FAAH2: variants seen among roughly 807,000 people sequenced by gnomAD.
The protein encoded by FAAH2 is fatty acid amide hydrolase 2.
Under a neutral mutation model 36.9 loss-of-function variants are expected in FAAH2, and 60 were observed. That is an observed-to-expected ratio of 1.63 (90% CI 1.32 to 2.02). The LOEUF is 2.02. FAAH2 is among the 30% of genes most tolerant of loss of function. The pLI is 0.00. For missense variants in FAAH2, 689 were observed against 397.5 expected (o/e 1.73, Z -6.23); for synonymous variants, 214 against 143.8 (o/e 1.49, Z -3.49).
intron 10 of FAAH2, among the ~76,000 whole-genome samples, chrX:57,451,341 A>G (rs1471176740): frequency 9.0e-6 from 1 of 111,639 alleles, no homozygotes; most frequent in African/African-American, 3.3e-5. Flanking sequence ...ACCTTCTCCT[A>G]CTTTGCTCCA....
At chrX:57,377,699 A>T (rs1280655208) in intron 5 of FAAH2, among the ~76,000 whole-genome samples, 1 of 112,235 alleles carries the variant, frequency 8.9e-6, no homozygotes, top group African/African-American at 3.2e-5. Flanking sequence ...TGGTAGCTTG[A>T]TACGGATAGT....
chrX:57,289,230 G>A (rs1017433537), intron 1 of FAAH2, among the ~76,000 whole-genome samples: 1 of 111,520 alleles, frequency 9.0e-6, no homozygotes, highest in African/African-American at 3.3e-5. Context: ...ATTTTTGTTG[G>A]CACTTTATGG....
chrX:57,259,952 A>C, the FAAH2 span, among the ~76,000 whole-genome samples: 102 of 112,032 alleles, frequency 9.1e-4, no homozygotes, highest in African/African-American at 3.2e-3. Flanking sequence ...AGTGACTGAA[A>C]TATCACACTT....
intron 10 of FAAH2, among the ~76,000 whole-genome samples, chrX:57,453,243 T>G (rs1216853451): frequency 8.9e-6 from 1 of 111,922 alleles, no homozygotes; most frequent in Non-Finnish European, 1.9e-5. Context: ...ACCCCAGAGG[T>G]AGAGAAAAAT....
At chrX:57,429,963 T>C (rs1167031237) in intron 7 of FAAH2, among the ~76,000 whole-genome samples, 4 of 111,178 alleles carry the variant, frequency 3.6e-5, no homozygotes, top group African/African-American at 1.3e-4. Flanking sequence ...TTTTCACTTA[T>C]AAGTGAGAGC....
chrX:57,456,776 A>T (rs1408810944), intron 10 of FAAH2, among the ~76,000 whole-genome samples: 1 of 111,550 alleles, frequency 9.0e-6, no homozygotes, highest in Non-Finnish European at 1.9e-5. Flanking sequence ...ATAAATAACA[A>T]GTTCAGAAAT....
In FAAH2 at chrX:57,431,551, T is replaced by C. The variant is rs2056294646; in HGVS notation, c.997-367T>C. On this transcript the variant is annotated intron_variant, in intron 7 of 10. Transcript: ENST00000374900. ...CTAGAACTTTACAAGCAAGTTCCAT[T>C]CATATTCTTTCATTCCAATGGAGGA... Among the ~76,000 whole-genome samples, 3 of 111,009 alleles carry C rather than the reference T, an allele frequency of 2.7e-5. No homozygotes were observed. The Admixed American group carries it at 2.9e-4, about 11-fold the overall frequency.
chrX:57,253,989 G>A, the FAAH2 span, among the ~76,000 whole-genome samples: 102 of 110,905 alleles, frequency 9.2e-4, no homozygotes, highest in Non-Finnish European at 1.5e-3. Flanking sequence ...ATCCAATCTG[G>A]CAAATTAGAT....
chrX:57,165,598 A>C, the FAAH2 span, among the ~76,000 whole-genome samples: 1 of 111,207 alleles, frequency 9.0e-6, no homozygotes, highest in Non-Finnish European at 1.9e-5. Flanking sequence ...CTAGATGATG[A>C]GTTAGTGGGT....
Position 57,448,670 on chromosome X carries a change from C to G in FAAH2, c.1375C>G (p.Pro459Ala). 8.3e-7 allele frequency: 1 copy of G among 1,211,299 alleles called. No homozygotes were observed. The change falls in exon 10 of 11, where the codon CCT (proline) becomes GCT (alanine). Residue 459 changes from proline to alanine, a missense_variant. By Grantham distance (27) the Pro-to-Ala change is conservative (BLOSUM62 -1). Transcript: ENST00000374900. ...FLYPSHPTVA[P>A]KHHVPLTRPF... ...ATATCCCTCACATCCCACAGTGGCA[C>G]CTAAGCATCATGTCCCTCTAACACG...
At chrX:57,194,965 G>A in the FAAH2 span, among the ~76,000 whole-genome samples, 30 of 111,447 alleles carry the variant, frequency 2.7e-4, no homozygotes, top group Non-Finnish European at 4.5e-4. Flanking sequence ...GTATGTGTGT[G>A]TGTGTGTGTA....
chrX:57,311,453 G>A (rs891299733), intron 3 of FAAH2, among the ~76,000 whole-genome samples: 1 of 112,069 alleles, frequency 8.9e-6, no homozygotes, highest in African/African-American at 3.2e-5. Context: ...TCGCCCGTGG[G>A]TGTATGAGCT....
In FAAH2 at chrX:57,429,256, G is replaced by A. The variant is rs192033675; in HGVS notation, c.997-2662G>A. On this transcript the variant is annotated intron_variant, in intron 7 of 10. Coordinates refer to ENST00000374900, the MANE Select transcript of FAAH2 (RefSeq NM_174912.4). Reference sequence around the variant, plus strand: ...TGGGAGGCTGAGGCAGGAGAATGGCGTGAACCTGGGAGGTGGAGCTTGCAG... The same window carrying A: ...TGGGAGGCTGAGGCAGGAGAATGGCATGAACCTGGGAGGTGGAGCTTGCAG... Among the ~76,000 whole-genome samples, 905 of 107,133 alleles carry A rather than the reference G, an allele frequency of 8.4e-3. 9 individuals carry two copies. Among genetic ancestry groups the A allele is most frequent in the African/African-American group, 0.029 (862 of 29,425 alleles). The allele number at this position is 107,133 out of a possible 115,157, so 93.0% of individuals were successfully genotyped here.
chrX:57,270,443 A>T, the FAAH2 span, among the ~76,000 whole-genome samples: 1 of 112,385 alleles, frequency 8.9e-6, no homozygotes, highest in Non-Finnish European at 1.9e-5. Context: ...AATATCCTTG[A>T]TGAACACTGA....
At chrX:57,142,187 C>T in the FAAH2 span, among the ~76,000 whole-genome samples, 2 of 111,725 alleles carry the variant, frequency 1.8e-5, no homozygotes, top group East Asian at 5.6e-4. Context: ...CTTTAAGGTG[C>T]ATTTTTAGGT....
intron 10 of FAAH2, among the ~76,000 whole-genome samples, chrX:57,484,418 T>A (rs921625183): frequency 1.7e-4 from 19 of 111,061 alleles, no homozygotes; most frequent in Admixed American, 1.2e-3. Context: ...GTGAGGGGGA[T>A]GCACTGCCTT....
chrX:57,376,998 T>G (rs749697787), intron 5 of FAAH2, among the ~76,000 whole-genome samples: 1 of 112,073 alleles, frequency 8.9e-6, no homozygotes, highest in East Asian at 2.8e-4. Context: ...CACTTTTTGA[T>G]GTTTTTGTTT....
rs767154461 is a variant in FAAH2, at chrX:57,381,061, T to C, written c.996+32T>C. 3.8e-6 allele frequency: 4 copies of C among 1,044,345 alleles called. No individual in the cohort carries two copies. In the South Asian group the frequency reaches 6.3e-5, roughly 17 times the overall value. The allele number at this position is 1,044,345 out of a possible 1,213,427, so 86.1% of individuals were successfully genotyped here. A position where few individuals can be genotyped will look rare whatever the true frequency, so the allele number is the denominator to read the frequency against. On this transcript the variant is annotated intron_variant, in intron 7 of 10. Transcript: ENST00000374900. The stretch of plus-strand genomic sequence containing the variant: ...TTAAATAAAATTTGTTTAGGAATTA[T>C]TTTTAGTCAAAGAGATATCCTTCTG...
the FAAH2 span, among the ~76,000 whole-genome samples, chrX:57,275,603 AGCCCCAATTAAAAGACAAAGACTG>A: frequency 8.9e-6 from 1 of 112,398 alleles, no homozygotes; most frequent in Non-Finnish European, 1.9e-5. Flanking sequence ...ATGGGCTTAA[AGCCCCAATTAAAAGACAAAGACTG>A]GCAAATTGGA....
Sources: allele counts gnomAD v4.1 joint callset (sites outside exome capture counted in the v4.1 genomes callset), GRCh38; gene constraint gnomAD v4.1.1; transcripts MANE v1.5; gene names NCBI Gene and HGNC (gene_info 2026-07-23, HGNC 2026-07-21).